SVEP1: variants seen among roughly 807,000 people sequenced by gnomAD.
The protein encoded by SVEP1 is sushi, von Willebrand factor type A, EGF and pentraxin domain containing 1, also known as sushi, von Willebrand factor type A, EGF and pentraxin domain-containing protein 1.
In SVEP1, 164 loss-of-function variants were observed where a neutral mutation model predicts 367.3. The observed-to-expected ratio is 0.45, with a 90% CI of 0.39 to 0.51. The LOEUF (loss-of-function observed/expected upper bound fraction) is 0.51, where lower values mean the gene tolerates loss of function less well. Ranked by LOEUF, SVEP1 falls within the 20% of genes least tolerant of loss-of-function variation. SVEP1 has a pLI of 0.00. For missense variants in SVEP1, 4,117 were observed against 4,425.3 expected (o/e 0.93, Z 1.98); for synonymous variants, 1,666 against 1,611.6 (o/e 1.03, Z -0.81).
At chr9:110,478,152 T>G (rs1453655675) in intron 13 of SVEP1, among the ~76,000 whole-genome samples, 1 of 152,220 alleles carries the variant, frequency 6.6e-6, no homozygotes, top group Non-Finnish European at 1.5e-5. Flanking sequence ...CCTGGAACGC[T>G]CTTCCCCTAG....
intron 9 of SVEP1, among the ~76,000 whole-genome samples, chr9:110,488,735 G>A (rs1829323849): frequency 6.6e-6 from 1 of 152,122 alleles, no homozygotes; most frequent in African/African-American, 2.4e-5. Flanking sequence ...TTAGCTGGGT[G>A]TGGTGGCACA....
At chr9:110,443,765 T>C (rs913638529) in intron 26 of SVEP1, 45 bp from the exon 27 acceptor site, 12 of 1,471,298 alleles carry the variant, frequency 8.2e-6, no homozygotes, top group African/African-American at 1.4e-5. Flanking sequence ...TAGCCATATG[T>C]TGCAATCCTT....
At chr9:110,396,239 T>C (rs957655527) in intron 40 of SVEP1, among the ~76,000 whole-genome samples, 6 of 151,632 alleles carry the variant, frequency 4.0e-5, no homozygotes, top group African/African-American at 1.4e-4. Flanking sequence ...AACCTGCTCC[T>C]GAATGACTAC....
chr9:110,369,965 C>A lies in SVEP1; in HGVS notation c.10652G>T (p.Arg3551Leu), dbSNP rs778579624. 1.2e-6 allele frequency: 2 copies of A among 1,613,316 alleles called. No individual in the cohort carries two copies. The highest frequency in any genetic ancestry group is 2.7e-5 in the African/African-American group (2 of 75,022). The change falls in exon 47 of 48, where the codon CGA becomes CTA. Residue 3551 changes from arginine to leucine, a missense_variant. By Grantham distance (102) the Arg-to-Leu change is moderately radical. Around this residue, in one of 4 missense-constraint regions of SVEP1, gnomAD observed 1,765 missense variants for 1,781.1 expected, o/e 0.99. Coordinates refer to ENST00000374469, the MANE Select transcript of SVEP1 (RefSeq NM_153366.4). ...LNGGKCVRPN[R>L]CHCLSSWTGH... ...CGTCCAAGAAGAAAGACAGTGACAT[C>A]GGTTTGGTCTTACACATTTTCCACC...
At position 110,387,450 on chromosome 9, in the gene SVEP1, A is replaced by T; in HGVS notation, c.9895T>A (p.Cys3299Ser). Residue 3299 changes from cysteine (C) to serine (S), a missense_variant, in exon 42 of 48, where the codon TGT (cysteine) becomes AGT (serine). By Grantham distance (112) the Cys-to-Ser change is moderately radical. This residue lies in a region of SVEP1 where 1,765 missense variants were observed against 1,781.1 expected (regional missense o/e 0.99). Coordinates refer to ENST00000374469, the MANE Select transcript of SVEP1 (RefSeq NM_153366.4). ...TTGAGAAATTCAAGTGGAGTTTCAC[A>T]CCTGGTCTCTAAAAACAAGAATAAA... ...GGVAICKETR[C>S]ETPLEFLNGK... 6.2e-7 allele frequency: 1 copy of T among 1,602,518 alleles called. No individual in the cohort carries two copies. Among genetic ancestry groups the T allele is most frequent in the East Asian group, 2.2e-5 (1 of 44,772 alleles).
Position 110,406,615 on chromosome 9 carries a change from C to G in SVEP1, c.8985G>C (p.Trp2995Cys). The G allele has an allele frequency of 1.2e-6, 2 of 1,613,922 alleles. No individual in the cohort carries two copies. The highest frequency in any genetic ancestry group is 1.7e-6 in the Non-Finnish European group (2 of 1,179,882). ...SSRRCLSNGS[W>C]SGSSPSCLPC... ...GCAGGCAGGAAGGTGAGCTGCCACTCCAGGAGCCATTGGAGAGGCACCTTC... is the reference window on the plus strand; with the variant it reads ...GCAGGCAGGAAGGTGAGCTGCCACTGCAGGAGCCATTGGAGAGGCACCTTC... Residue 2995 changes from tryptophan to cysteine, a missense_variant, in exon 38 of 48, where the codon TGG becomes TGC. This residue lies in a region of SVEP1 where 1,765 missense variants were observed against 1,781.1 expected (regional missense o/e 0.99). Coordinates refer to ENST00000374469, the MANE Select transcript of SVEP1 (RefSeq NM_153366.4).
At chr9:110,559,032 A>C (rs906772306) in intron 1 of SVEP1, among the ~76,000 whole-genome samples, 2 of 152,136 alleles carry the variant, frequency 1.3e-5, no homozygotes, top group Non-Finnish European at 2.9e-5. Context: ...AAAAATTAGG[A>C]ATAAAAATAT....
At chr9:110,404,194 CTT>C in intron 39 of SVEP1, 131 bp downstream of exon 39, 1 of 855,374 alleles carries the variant, frequency 1.2e-6, no homozygotes, top group African/African-American at 1.7e-5. Flanking sequence ...TACCAAGAAA[CTT>C]TTCAAATCCT....
chr9:110,407,882 C>T lies in SVEP1; in HGVS notation c.7718G>A (p.Ser2573Asn). Residue 2573 changes from serine (S) to asparagine (N), a missense_variant, in exon 38 of 48, where the codon AGC becomes AAC. Around this residue, in one of 4 missense-constraint regions of SVEP1, gnomAD observed 1,765 missense variants for 1,781.1 expected, o/e 0.99. Transcript: ENST00000374469. Reference protein sequence around the residue: ...ENGFVEGADYSYGAIIIYSCF... With the variant: ...ENGFVEGADYNYGAIIIYSCF... The stretch of plus-strand genomic sequence containing the variant: ...ACTGTAGATGATTATGGCACCATAG[C>T]TGTAATCTGCACCTTCTACAAAACC... The T allele has an allele frequency of 6.2e-7, 1 of 1,614,028 alleles. No homozygotes were observed. Among genetic ancestry groups the T allele is most frequent in the South Asian group, 1.1e-5 (1 of 91,084 alleles).
At chr9:110,506,560 C>T (rs1347137980) in intron 5 of SVEP1, among the ~76,000 whole-genome samples, 1 of 152,178 alleles carries the variant, frequency 6.6e-6, no homozygotes, top group Non-Finnish European at 1.5e-5. Flanking sequence ...CACCTCTTAC[C>T]TTCTGGGATC....
At chr9:110,465,498 T>C (rs1407162040) in intron 18 of SVEP1, among the ~76,000 whole-genome samples, 2 of 152,144 alleles carry the variant, frequency 1.3e-5, no homozygotes, top group Non-Finnish European at 2.9e-5. Context: ...GAATAAAATA[T>C]TTTTAGAGTT....
intron 12 of SVEP1, among the ~76,000 whole-genome samples, chr9:110,480,253 C>T (rs374371174): frequency 2.2e-4 from 34 of 152,100 alleles, no homozygotes; most frequent in African/African-American, 7.7e-4. Flanking sequence ...GTAGACTTTG[C>T]AAAATGCCCC....
chr9:110,482,808 G>T (rs1450286133), intron 10 of SVEP1, among the ~76,000 whole-genome samples: 1 of 152,192 alleles, frequency 6.6e-6, no homozygotes, highest in African/African-American at 2.4e-5. Context: ...GATTACAGGT[G>T]TGAGTCACCG....
chr9:110,480,287 T>C (rs7851089), intron 12 of SVEP1, among the ~76,000 whole-genome samples: 98,948 of 151,958 alleles, frequency 0.65, 32,278 homozygotes, highest in South Asian at 0.71. Flanking sequence ...GACAGTCTCC[T>C]ACTAGCATCC....
At chr9:110,525,180 T>G (rs1301557546) in intron 3 of SVEP1, among the ~76,000 whole-genome samples, 3 of 152,274 alleles carry the variant, frequency 2.0e-5, no homozygotes, top group South Asian at 4.1e-4. Flanking sequence ...ATAAGTGATG[T>G]GATTCTCCTT....
rs754324745 is a variant in SVEP1, at chr9:110,407,375, C to T, written c.8225G>A (p.Ser2742Asn). 6.2e-7 allele frequency: 1 copy of T among 1,614,002 alleles called. No homozygotes were observed. Among genetic ancestry groups the T allele is most frequent in the East Asian group, 2.2e-5 (1 of 44,884 alleles). Residue 2742 changes from serine to asparagine, a missense_variant, in exon 38 of 48, where the codon AGC becomes AAC. This residue lies in a region of SVEP1 where 1,765 missense variants were observed against 1,781.1 expected (regional missense o/e 0.99). Coordinates refer to ENST00000374469, the MANE Select transcript of SVEP1 (RefSeq NM_153366.4). ...TGCTAGAATGTGTCCAGGTTTACAG[C>T]TATACTGCACAGCACTTCCCATGCT... Reference protein sequence around the residue: ...ETSMGSAVQYSCKPGHILAGS... With the variant: ...ETSMGSAVQYNCKPGHILAGS...
chr9:110,373,710 ATC>A (rs1219537627), intron 46 of SVEP1, among the ~76,000 whole-genome samples: 1 of 152,214 alleles, frequency 6.6e-6, no homozygotes, highest in Non-Finnish European at 1.5e-5. Context: ...TACTAAAAAT[ATC>A]TACTATATTT....
At chr9:110,576,660 T>C (rs1039580662) in intron 1 of SVEP1, among the ~76,000 whole-genome samples, 2 of 152,086 alleles carry the variant, frequency 1.3e-5, no homozygotes, top group Admixed American at 1.3e-4. Context: ...AGTGTTTCTA[T>C]ACGTCAAGAA....
At chr9:110,453,356 A>C (rs891926347) in intron 22 of SVEP1, among the ~76,000 whole-genome samples, 1 of 152,118 alleles carries the variant, frequency 6.6e-6, no homozygotes, top group East Asian at 1.9e-4. Context: ...TAATAATTAT[A>C]ATGTGGGTTA....
Sources: allele counts gnomAD v4.1 joint callset (sites outside exome capture counted in the v4.1 genomes callset), GRCh38; gene constraint gnomAD v4.1.1; regional missense constraint gnomAD v4.1.1; transcripts MANE v1.5; gene names NCBI Gene and HGNC (gene_info 2026-07-23, HGNC 2026-07-21).